Variants in MEF2A observed in about 807,000 individuals in gnomAD.
MEF2A encodes the protein myocyte enhancer factor 2A, also known as myocyte-specific enhancer factor 2A.
MEF2A carries 28 observed loss-of-function variants against 55.8 expected under a neutral mutation model. The ratio of observed to expected loss-of-function variants is 0.50; its 90% CI spans 0.37 to 0.69. The LOEUF (loss-of-function observed/expected upper bound fraction) is 0.69. MEF2A is among the 30% of genes least tolerant of loss of function. The probability of loss-of-function intolerance (pLI) is 0.00; values close to 1 mark genes in which losing one functional copy is unlikely to be tolerated. For synonymous variants in MEF2A, 239 were observed against 227.1 expected, an observed-to-expected ratio of 1.05 and a Z score of -0.47; for missense variants, 528 against 626.2, an observed-to-expected ratio of 0.84 and a Z score of 1.67.
chr15:99,577,946 CAG>C (rs902522259), intron 1 of MEF2A, among the ~76,000 whole-genome samples: 2 of 152,130 alleles, frequency 1.3e-5, no homozygotes, highest in Non-Finnish European at 2.9e-5. Flanking sequence ...ATGTTTATAT[CAG>C]GGGCTACAGG....
At position 99,714,024 on chromosome 15, in the gene MEF2A, T is replaced by G. The variant is rs1048045743; in HGVS notation, c.*1253T>G. On this transcript the variant is annotated 3_prime_UTR_variant, in exon 12 of 12. Transcript: ENST00000557942. ...CTATTTTGTTAAATATACTGTACTT[T>G]GGATTTTAATTATTAGCCCAGTTTT... 1 of 152,238 alleles carries G rather than the reference T, an allele frequency of 6.6e-6. No homozygotes were observed. The highest frequency in any genetic ancestry group is 3.2e-3 in the Middle Eastern group (1 of 316). The allele number at this position is 152,238 out of a possible 1,614,324, so 9.4% of individuals were successfully genotyped here.
chr15:99,663,062 A>AAGTTG (rs1185710177), intron 4 of MEF2A, among the ~76,000 whole-genome samples: 1 of 152,118 alleles, frequency 6.6e-6, no homozygotes, highest in Non-Finnish European at 1.5e-5. Flanking sequence ...GGCAATAATA[A>AAGTTG]AGTTGAGCGT....
Position 99,672,740 on chromosome 15 carries a change from G to GGGAC in MEF2A, c.390+1287_390+1290dup, listed in dbSNP as rs574357542. Among the ~76,000 whole-genome samples, 16 of 152,218 alleles carry GGGAC rather than the reference G, an allele frequency of 1.1e-4. No individual in the cohort carries two copies. In the East Asian group the frequency reaches 2.9e-3, roughly 28 times the overall value. On this transcript the variant is annotated intron_variant, in intron 5 of 11. Coordinates refer to ENST00000557942, the MANE Select transcript of MEF2A (RefSeq NM_001319206.4). Reference sequence around the variant, plus strand: ...TGCATATGTATAGTATCTTGGGGATGGGACCCAAGTCTAAACATTAAATTT... The same window carrying GGGAC: ...TGCATATGTATAGTATCTTGGGGATGGGACGGACCCAAGTCTAAACATTAAATTT...
At chr15:99,570,390 CAT>C (rs747728641) in intron 1 of MEF2A, among the ~76,000 whole-genome samples, 71 of 152,032 alleles carry the variant, frequency 4.7e-4, no homozygotes, top group Admixed American at 1.8e-3. Flanking sequence ...AACATGAAAA[CAT>C]AAAAAGGAAA....
intron 9 of MEF2A, among the ~76,000 whole-genome samples, chr15:99,704,703 T>G (rs1292648937): frequency 6.6e-6 from 1 of 152,188 alleles, no homozygotes; most frequent in Non-Finnish European, 1.5e-5. Context: ...ATGGAGTAGG[T>G]AGGGTCCAGG....
chr15:99,597,494 T>A (rs1971603643), intron 1 of MEF2A, among the ~76,000 whole-genome samples: 1 of 147,138 alleles, frequency 6.8e-6, no homozygotes, highest in Non-Finnish European at 1.5e-5. Flanking sequence ...AATTTTAATT[T>A]CACCTCGGTC....
rs764719717 is a variant in MEF2A, at chr15:99,633,109, G to T, written c.-11G>T. ...TTTGGAATATAAGGAAATAAGGAAA[G>T]TTGACTGAAAATGGGGCGGAAGAAA... On this transcript the variant is annotated 5_prime_UTR_variant, in exon 3 of 12. Coordinates refer to ENST00000557942, the MANE Select transcript of MEF2A (RefSeq NM_001319206.4). 6.2e-7 allele frequency: 1 copy of T among 1,600,100 alleles called. No homozygotes were observed. The highest frequency in any genetic ancestry group is 8.5e-7 in the Non-Finnish European group (1 of 1,172,774).
intron 1 of MEF2A, among the ~76,000 whole-genome samples, chr15:99,573,827 A>G (rs1437735862): frequency 2.6e-5 from 4 of 152,238 alleles, no homozygotes; most frequent in Non-Finnish European, 4.4e-5. Context: ...CTGACTTACA[A>G]ATAGGCTTTT....
chr15:99,695,859 CA>C (rs55908002), intron 8 of MEF2A, among the ~76,000 whole-genome samples: 284 of 135,222 alleles, frequency 2.1e-3, no homozygotes, highest in East Asian at 0.011. Context: ...AACTCCGTCT[CA>C]AAAAAAAAAA....
intron 2 of MEF2A, among the ~76,000 whole-genome samples, chr15:99,602,663 T>TGC (rs1269815238): frequency 2.0e-4 from 21 of 103,352 alleles, no homozygotes; most frequent in Non-Finnish European, 3.5e-4. Flanking sequence ...GGTGTGTGTG[T>TGC]GTGTGTGTGT....
intron 4 of MEF2A, among the ~76,000 whole-genome samples, chr15:99,670,699 T>C (rs1324429740): frequency 1.3e-5 from 2 of 152,232 alleles, no homozygotes; most frequent in African/African-American, 2.4e-5. Flanking sequence ...GAATAACTTT[T>C]GAGTGCAAAT....
intron 4 of MEF2A, among the ~76,000 whole-genome samples, chr15:99,650,323 TTTTACCG>T (rs2046644297): frequency 6.6e-6 from 1 of 152,132 alleles, no homozygotes; most frequent in Non-Finnish European, 1.5e-5. Flanking sequence ...CTCTGGAGCA[TTTTACCG>T]TAAGTAGATA....
chr15:99,659,123 G>A (rs755730357), intron 4 of MEF2A, among the ~76,000 whole-genome samples: 3 of 152,138 alleles, frequency 2.0e-5, no homozygotes, highest in Non-Finnish European at 4.4e-5. Context: ...CTTGTCTGTG[G>A]TGCACTGAGA....
At chr15:99,618,997 T>A (rs2040682096) in intron 2 of MEF2A, among the ~76,000 whole-genome samples, 1 of 152,220 alleles carries the variant, frequency 6.6e-6, no homozygotes, top group Admixed American at 6.5e-5. Flanking sequence ...TTCCAAAGTA[T>A]GAGCAAATAG....
chr15:99,690,982 A>C (rs1222832582), intron 8 of MEF2A, among the ~76,000 whole-genome samples: 1 of 152,214 alleles, frequency 6.6e-6, no homozygotes, highest in African/African-American at 2.4e-5. Flanking sequence ...ACAAATAGAA[A>C]GGATAAATAC....
intron 4 of MEF2A, among the ~76,000 whole-genome samples, chr15:99,660,892 A>G (rs2048507926): frequency 6.6e-6 from 1 of 152,238 alleles, no homozygotes; most frequent in South Asian, 2.1e-4. Flanking sequence ...ATACTTTTTG[A>G]AAGAACTTCA....
Position 99,714,949 on chromosome 15 carries a change from G to A in MEF2A, c.*2178G>A, listed in dbSNP as rs1015402707. ...GCGCACCACAGGCTGCAAACTGGAG[G>A]TTCTGTTCTCATGGCAGTTTGGGCA... On this transcript the variant is annotated 3_prime_UTR_variant, in exon 12 of 12. Coordinates refer to ENST00000557942, the MANE Select transcript of MEF2A (RefSeq NM_001319206.4). 3 of 151,996 alleles carry A rather than the reference G, an allele frequency of 2.0e-5. No individual in the cohort carries two copies. The highest frequency in any genetic ancestry group is 4.4e-5 in the Non-Finnish European group (3 of 68,026). The allele number at this position is 151,996 out of a possible 1,614,324, so 9.4% of individuals were successfully genotyped here. A position where few individuals can be genotyped will look rare whatever the true frequency, so the allele number is the denominator to read the frequency against.
intron 6 of MEF2A, among the ~76,000 whole-genome samples, chr15:99,675,046 A>G (rs1257563488): frequency 2.0e-5 from 3 of 152,266 alleles, no homozygotes; most frequent in South Asian, 2.1e-4. Flanking sequence ...GTATTAGTCT[A>G]TGAAATGCAG....
At position 99,713,024 on chromosome 15, in the gene MEF2A, C is replaced by G; in HGVS notation, c.*253C>G. 1 of 522,810 alleles carries G rather than the reference C, an allele frequency of 1.9e-6. No individual in the cohort carries two copies. The highest frequency in any genetic ancestry group is 3.6e-5 in the South Asian group (1 of 27,996). 32.4% of individuals were successfully genotyped at this position (522,810 alleles called of 1,614,324 possible). On this transcript the variant is annotated 3_prime_UTR_variant, in exon 12 of 12. Transcript: ENST00000557942. ...CATGGCAGACAAAGCACCCTGTAGGCACAGACAAGTCTGGCACTTCCTTGG... is the reference window on the plus strand; with the variant it reads ...CATGGCAGACAAAGCACCCTGTAGGGACAGACAAGTCTGGCACTTCCTTGG...
Sources: allele counts gnomAD v4.1 joint callset (sites outside exome capture counted in the v4.1 genomes callset), GRCh38; gene constraint gnomAD v4.1.1; transcripts MANE v1.5; gene names NCBI Gene and HGNC (gene_info 2026-07-23, HGNC 2026-07-21).